The following UBE3A variants were observed in gnomAD, a reference collection of about 807,000 sequenced individuals.
The protein encoded by UBE3A is ubiquitin-protein ligase E3A.
UBE3A carries 6 observed loss-of-function variants against 83.4 expected under a neutral mutation model. The ratio of observed to expected loss-of-function variants is 0.07; its 90% CI spans 0.04 to 0.14. The LOEUF (loss-of-function observed/expected upper bound fraction) is 0.14, where lower values mean the gene tolerates loss of function less well. Ranked by LOEUF, UBE3A falls within the 10% of genes least tolerant of loss-of-function variation. UBE3A has a pLI of 1.00. For missense variants in UBE3A, 456 were observed against 1,036.1 expected, an observed-to-expected ratio of 0.44 and a Z score of 7.69; for synonymous variants, 337 against 355.4, an observed-to-expected ratio of 0.95 and a Z score of 0.58.
chr15:25,387,853 C>T (rs994345731), intron 4 of UBE3A, among the ~76,000 whole-genome samples: 7 of 152,038 alleles, frequency 4.6e-5, no homozygotes, highest in Non-Finnish European at 7.4e-5. Context: ...TTTACGGCCA[C>T]GAATTTGGTA....
At chr15:25,348,680 A>G (rs2076071395) in intron 11 of UBE3A, among the ~76,000 whole-genome samples, 1 of 152,214 alleles carries the variant, frequency 6.6e-6, no homozygotes, top group African/African-American at 2.4e-5. Flanking sequence ...ATAGTAATAA[A>G]CAAGTGAAAA....
rs1022506192 is a variant in UBE3A, at chr15:25,428,653, C to T, written c.-165+9836G>A. ...AAACATACAGAAAATAATAAATTTC[C>T]TATCCTTTTACCTACGATTCAGAAT... On this transcript the variant is annotated intron_variant, in intron 1 of 12. Transcript: ENST00000648336. Among the ~76,000 whole-genome samples the T allele has an allele frequency of 5.9e-5, 9 of 152,166 alleles. 1 individual carries two copies. The South Asian group carries it at 1.7e-3, about 28-fold the overall frequency.
intron 1 of UBE3A, among the ~76,000 whole-genome samples, chr15:25,419,841 G>T (rs895005904): frequency 6.6e-6 from 1 of 151,952 alleles, no homozygotes; most frequent in Non-Finnish European, 1.5e-5. Flanking sequence ...GTAGATTGAG[G>T]TAAGTTAAAG....
intron 6 of UBE3A, among the ~76,000 whole-genome samples, chr15:25,367,255 T>A (rs866475686): frequency 8.8e-5 from 7 of 79,488 alleles, no homozygotes; most frequent in Middle Eastern, 7.7e-3. Context: ...ATTTGCATAT[T>A]TGTAAATATG....
At chr15:25,340,292 G>A (rs2074526415) in intron 11 of UBE3A, 64 bp from the exon 12 acceptor site, 1 of 1,541,838 alleles carries the variant, frequency 6.5e-7, no homozygotes, top group African/African-American at 1.4e-5. Context: ...ACTAACATAA[G>A]CTTATGATTT....
At chr15:25,401,425 C>T (rs539248868) in intron 4 of UBE3A, among the ~76,000 whole-genome samples, 13 of 152,282 alleles carry the variant, frequency 8.5e-5, no homozygotes, top group South Asian at 2.1e-4. Context: ...AGTAAAGTCA[C>T]CAAGTCTTGG....
chr15:25,395,838 C>G (rs1298623995), intron 4 of UBE3A, among the ~76,000 whole-genome samples: 3 of 152,194 alleles, frequency 2.0e-5, no homozygotes, highest in African/African-American at 7.2e-5. Flanking sequence ...GTATTTACCC[C>G]TGCTCCATTT....
intron 1 of UBE3A, among the ~76,000 whole-genome samples, chr15:25,412,516 C>A (rs899062594): frequency 2.0e-5 from 3 of 151,938 alleles, no homozygotes; most frequent in African/African-American, 7.3e-5. Flanking sequence ...CTTCAATATA[C>A]GACGATAATT....
intron 3 of UBE3A, 67 bp from the exon 4 acceptor site, chr15:25,405,569 T>C: frequency 2.6e-6 from 4 of 1,525,168 alleles, no homozygotes; most frequent in Non-Finnish European, 3.6e-6. Flanking sequence ...GTAGACATAT[T>C]ACTTAGGAAG....
chr15:25,408,337 T>A (rs960358444), intron 3 of UBE3A: 1 of 476,436 alleles, frequency 2.1e-6, no homozygotes, highest in Non-Finnish European at 3.8e-6. Flanking sequence ...AAGAATCCTG[T>A]ATGTGCTTGT....
intron 11 of UBE3A, among the ~76,000 whole-genome samples, chr15:25,344,891 G>A (rs752840928): frequency 1.1e-4 from 17 of 151,994 alleles, no homozygotes; most frequent in Non-Finnish European, 1.5e-4. Context: ...TGATAAATAC[G>A]AAAATCAGGT....
intron 6 of UBE3A, among the ~76,000 whole-genome samples, chr15:25,364,648 T>G (rs1342043104): frequency 1.6e-5 from 2 of 128,662 alleles, no homozygotes; most frequent in Non-Finnish European, 3.3e-5. Context: ...TTTGTTTGTT[T>G]TTTTTTTTTT....
rs1471778094 is a variant in UBE3A, at chr15:25,355,758, T to C, written c.2124+134A>G. ...ATCCAAGATTTAGAAAAGTGGACTC[T>C]AGCATTTACATAAACTTAGTTACTT... On this transcript the variant is annotated intron_variant, in intron 9 of 12. Transcript: ENST00000648336. 38 of 910,428 alleles carry C rather than the reference T, an allele frequency of 4.2e-5. No homozygotes were observed. The East Asian group carries it at 9.4e-4, about 22-fold the overall frequency. 56.4% of individuals were successfully genotyped at this position (910,428 alleles called of 1,614,324 possible). A position where few individuals can be genotyped will look rare whatever the true frequency, so the allele number is the denominator to read the frequency against.
At position 25,360,547 on chromosome 15, in the gene UBE3A, A is replaced by G; in HGVS notation, c.1609-20T>C. ...CTCTAGCTAGTGATTGAAAAGATAAACATGAAAAGAAGATGATTGCTAGTA... is the reference window on the plus strand; with the variant it reads ...CTCTAGCTAGTGATTGAAAAGATAAGCATGAAAAGAAGATGATTGCTAGTA... On this transcript the variant is annotated intron_variant, in intron 6 of 12. Transcript: ENST00000648336. 1 of 1,611,638 alleles carries G rather than the reference A, an allele frequency of 6.2e-7. No homozygotes were observed. Among genetic ancestry groups the G allele is most frequent in the Non-Finnish European group, 8.5e-7 (1 of 1,179,140 alleles).
At chr15:25,362,230 T>G (rs1179723148) in intron 6 of UBE3A, among the ~76,000 whole-genome samples, 1 of 152,232 alleles carries the variant, frequency 6.6e-6, no homozygotes, top group African/African-American at 2.4e-5. Context: ...TATCTTCAAC[T>G]TTAGGGTCCT....
At chr15:25,405,847 T>C (rs749885839) in intron 3 of UBE3A, among the ~76,000 whole-genome samples, 7 of 152,224 alleles carry the variant, frequency 4.6e-5, no homozygotes, top group Admixed American at 2.0e-4. Flanking sequence ...TAGCCAAGTA[T>C]TGGTTATCCA....
intron 6 of UBE3A, among the ~76,000 whole-genome samples, chr15:25,364,788 C>T (rs981711810): frequency 3.9e-5 from 6 of 151,976 alleles, no homozygotes; most frequent in South Asian, 2.1e-4. Context: ...GGACTACAGG[C>T]GCCTGCCACC....
chr15:25,429,057 T>C (rs750419881), intron 1 of UBE3A, among the ~76,000 whole-genome samples: 8 of 152,138 alleles, frequency 5.3e-5, no homozygotes, highest in Non-Finnish European at 8.8e-5. Context: ...CGCATCAACA[T>C]ATACACCTCA....
At chr15:25,406,040 T>TA (rs1288850249) in intron 3 of UBE3A, among the ~76,000 whole-genome samples, 2 of 152,200 alleles carry the variant, frequency 1.3e-5, no homozygotes, top group African/African-American at 4.8e-5. Flanking sequence ...GCTTTCACAC[T>TA]AAAAGAACAG....
Sources: gnomAD v4.1 joint callset for allele counts (sites outside exome capture counted in the v4.1 genomes callset) on GRCh38, gnomAD v4.1.1 for gene constraint, MANE v1.5 for transcripts, NCBI Gene and HGNC (gene_info 2026-07-23, HGNC 2026-07-21) for gene names.